The following BLM variants were observed in gnomAD, a reference collection of about 807,000 sequenced individuals.
The protein encoded by BLM is recQ-like DNA helicase BLM.
BLM carries 95 observed loss-of-function variants against 135.3 expected under a neutral mutation model. The ratio of observed to expected loss-of-function variants is 0.70; its 90% CI spans 0.59 to 0.83. The LOEUF (loss-of-function observed/expected upper bound fraction) is 0.83, where lower values mean the gene tolerates loss of function less well. Among genes scored for constraint, BLM ranks in the 40% least tolerant of loss-of-function variants. The pLI, the probability that BLM is intolerant of heterozygous loss-of-function variation, is 0.00. For missense variants in BLM, 1,518 were observed against 1,663.9 expected (o/e 0.91, Z 1.53); for synonymous variants, 520 against 589.2 (o/e 0.88, Z 1.70).
intron 19 of BLM, among the ~76,000 whole-genome samples, chr15:90,806,668 C>T (rs903806962): frequency 6.6e-6 from 1 of 152,140 alleles, no homozygotes; most frequent in Non-Finnish European, 1.5e-5. Flanking sequence ...TAGCCCAACC[C>T]AGAATTTCAG....
At chr15:90,813,800 T>G (rs561987423) in intron 21 of BLM, among the ~76,000 whole-genome samples, 1 of 152,300 alleles carries the variant, frequency 6.6e-6, no homozygotes, top group South Asian at 2.1e-4. Context: ...CGACCCAGTG[T>G]GCTCCCCGGA....
intron 21 of BLM, among the ~76,000 whole-genome samples, chr15:90,813,041 GCTTAGGC>G (rs1897462715): frequency 6.6e-6 from 1 of 152,162 alleles, no homozygotes; most frequent in East Asian, 1.9e-4. Flanking sequence ...TGAAGAGGAA[GCTTAGGC>G]CTGGCCTGGG....
chr15:90,763,653 C>T (rs150627848), intron 8 of BLM, among the ~76,000 whole-genome samples: 133 of 152,266 alleles, frequency 8.7e-4, no homozygotes, highest in African/African-American at 3.2e-3. Context: ...GGCCCATTTT[C>T]TCATGTGTGC....
intron 1 of BLM, among the ~76,000 whole-genome samples, chr15:90,721,437 C>G (rs898578517): frequency 2.0e-5 from 3 of 152,066 alleles, no homozygotes; most frequent in Non-Finnish European, 4.4e-5. Context: ...ATCCATTCTC[C>G]TGCCTCAGCC....
At chr15:90,782,483 A>G (rs1896640806) in intron 12 of BLM, among the ~76,000 whole-genome samples, 1 of 152,200 alleles carries the variant, frequency 6.6e-6, no homozygotes, top group Admixed American at 6.5e-5. Context: ...AACAACAGAA[A>G]TTTATTTCTC....
chr15:90,790,937 C>T, intron 15 of BLM, 93 bp downstream of exon 15: 1 of 1,298,122 alleles, frequency 7.7e-7, no homozygotes, highest in Non-Finnish European at 1.1e-6. Context: ...GTCCAGTTTT[C>T]CTTAAATAAT....
intron 12 of BLM, among the ~76,000 whole-genome samples, chr15:90,781,733 A>G (rs1429226461): frequency 6.6e-6 from 1 of 152,250 alleles, no homozygotes; most frequent in Non-Finnish European, 1.5e-5. Context: ...GTTGGACCAC[A>G]TTCAAAACCA....
intron 16 of BLM, among the ~76,000 whole-genome samples, chr15:90,794,879 CT>C (rs11295536): frequency 0.06 from 9,019 of 150,376 alleles, 307 homozygotes; most frequent in African/African-American, 0.087. Context: ...TTACATTACT[CT>C]TTTTTTTTAA....
intron 1 of BLM, among the ~76,000 whole-genome samples, chr15:90,735,960 A>G (rs1895203386): frequency 6.6e-6 from 1 of 152,256 alleles, no homozygotes; most frequent in Non-Finnish European, 1.5e-5. Context: ...GGCAGAATAC[A>G]TGAGCAGATA....
Position 90,769,219 on chromosome 15 carries a change from T to C in BLM, c.2394T>C (p.His798=). ...LLARFVIDEA[H]CVSQWGHDFR... is the part of the protein sequence containing the mutation. The stretch of plus-strand genomic sequence containing the variant: ...CACGTTTTGTTATTGATGAAGCACA[T>C]TGTGTCAGTCAGGTAAATACTGTTT... Residue 798 remains histidine, a synonymous_variant, in exon 11 of 22, where the codon CAT becomes CAC. Transcript: ENST00000355112. The C allele has an allele frequency of 6.2e-7, 1 of 1,610,290 alleles. No homozygotes were observed. The highest frequency in any genetic ancestry group is 8.5e-7 in the Non-Finnish European group (1 of 1,176,432).
chr15:90,784,327 C>CTTTT lies in BLM; in HGVS notation c.2663-573_2663-570dup, dbSNP rs769540432. ...CAAAGTTTGTGCAAGAATGGCTTTT[C>CTTTT]TTTTTTTTTTTTTTTTTTTTTTTTG... On this transcript the variant is annotated intron_variant, in intron 13 of 21. Coordinates refer to ENST00000355112, the MANE Select transcript of BLM (RefSeq NM_000057.4). 4.6e-3 allele frequency among the ~76,000 whole-genome samples: 324 copies of CTTTT among 70,016 alleles called. 14 individuals carry two copies. Among genetic ancestry groups the CTTTT allele is most frequent in the African/African-American group, 9.4e-3 (138 of 14,716 alleles). The allele number at this position is 70,016 out of a possible 152,430, so 45.9% of individuals were successfully genotyped here.
chr15:90,754,878 T>G lies in BLM; in HGVS notation c.1027T>G (p.Ser343Ala), dbSNP rs776620199. 1.2e-6 allele frequency: 2 copies of G among 1,613,942 alleles called. No homozygotes were observed. The highest frequency in any genetic ancestry group is 8.5e-7 in the Non-Finnish European group (1 of 1,179,946). The change falls in exon 5 of 22, where the codon TCA (serine) becomes GCA (alanine). Residue 343 changes from serine to alanine, a missense_variant. This residue lies in a region of BLM where 724 missense variants were observed against 756.9 expected (regional missense o/e 0.96). Transcript: ENST00000355112. ...DVLSTSKDLL[S>A]KPEKMSMQEL... ...TCTTAGCACATCAAAAGATCTTTTG[T>G]CAAAACCTGAGAAAATGAGTATGCA...
At chr15:90,738,351 A>G (rs1181430005) in intron 1 of BLM, among the ~76,000 whole-genome samples, 1 of 152,180 alleles carries the variant, frequency 6.6e-6, no homozygotes, top group Non-Finnish European at 1.5e-5. Flanking sequence ...GGACGGGAGA[A>G]TTTCTTGAGC....
intron 9 of BLM, 34 bp downstream of exon 9, chr15:90,765,448 T>C: frequency 6.8e-7 from 1 of 1,463,604 alleles, no homozygotes; most frequent in Non-Finnish European, 9.6e-7. Context: ...AAACACGCCT[T>C]AGAAACAATT....
chr15:90,744,193 G>A (rs1231009673), intron 1 of BLM, among the ~76,000 whole-genome samples: 2 of 152,166 alleles, frequency 1.3e-5, no homozygotes, highest in Non-Finnish European at 2.9e-5. Flanking sequence ...TAAGACTGAA[G>A]ATCTGTGTAC....
At chr15:90,751,159 A>G (rs1646621688) in intron 3 of BLM, among the ~76,000 whole-genome samples, 1 of 152,218 alleles carries the variant, frequency 6.6e-6, no homozygotes, top group Non-Finnish European at 1.5e-5. Context: ...TGGGGAAGTA[A>G]CTCACCTTAT....
Position 90,788,474 on chromosome 15 carries a change from T to TTG in BLM, c.2824-2174_2824-2173insGT, listed in dbSNP as rs1443942022. On this transcript the variant is annotated intron_variant, in intron 14 of 21. Transcript: ENST00000355112. The stretch of plus-strand genomic sequence containing the variant: ...TTAACCCAAATGCCAGTGTTTTGTT[T>TTG]TTTTTTTTTTTTTTTTTTTTGGTTT... Among the ~76,000 whole-genome samples the TTG allele has an allele frequency of 1.3e-4, 13 of 96,376 alleles. No homozygotes were observed. The East Asian group carries it at 2.1e-3, about 16-fold the overall frequency. The allele number at this position is 96,376 out of a possible 152,430, so 63.2% of individuals were successfully genotyped here.
chr15:90,736,358 G>A (rs1014190585), intron 1 of BLM, among the ~76,000 whole-genome samples: 3 of 151,882 alleles, frequency 2.0e-5, no homozygotes, highest in Non-Finnish European at 4.4e-5. Flanking sequence ...AAACTCCCAG[G>A]CTCAATTGAT....
chr15:90,754,740 G>C (rs568569082), intron 4 of BLM, 71 bp from the exon 5 acceptor site: 278 of 1,485,882 alleles, frequency 1.9e-4, no homozygotes, highest in Non-Finnish European at 2.5e-4. Flanking sequence ...AAAATATTAA[G>C]GGTTTCAAAA....
Sources: gnomAD v4.1 joint callset for allele counts (sites outside exome capture counted in the v4.1 genomes callset) on GRCh38, gnomAD v4.1.1 for gene constraint, gnomAD v4.1.1 regional missense constraint, MANE v1.5 for transcripts, NCBI Gene and HGNC (gene_info 2026-07-23, HGNC 2026-07-21) for gene names.